Variants in PLAAT5 observed in about 807,000 individuals in gnomAD.
PLAAT5 encodes the protein phospholipase A and acyltransferase 5.
In PLAAT5, 27 loss-of-function variants were observed where a neutral mutation model predicts 27.8. The ratio of observed to expected loss-of-function variants is 0.97; its 90% confidence interval spans 0.72 to 1.34. The LOEUF (loss-of-function observed/expected upper bound fraction) is 1.34, where lower values mean the gene tolerates loss of function less well. PLAAT5 is among the 40% of genes most tolerant of loss of function. PLAAT5 has a pLI of 0.00. For missense variants in PLAAT5, 368 were observed against 343.8 expected, an observed-to-expected ratio of 1.07 and a Z score of -0.56; for synonymous variants, 125 against 136.1, an observed-to-expected ratio of 0.92 and a Z score of 0.57.
In PLAAT5 at chr11:63,466,391, C is replaced by G. The variant is rs147968191; in HGVS notation, c.455-19G>C. On this transcript the variant is annotated intron_variant, in intron 4 of 5. Transcript: ENST00000540857. ...TCCTCACCTGGAGACCAAAGACAAA[C>G]AAAGGTTGGGAAATACAAGGAGTAG... is the stretch of plus-strand genomic sequence containing the variant. The G allele has an allele frequency of 2.5e-6, 4 of 1,612,284 alleles. No individual in the cohort carries two copies. In the African/African-American group the frequency reaches 5.3e-5, roughly 22 times the overall value.
Position 63,488,883 on chromosome 11 carries a change from C to T in PLAAT5, c.333G>A (p.Lys111=). The T allele has an allele frequency of 6.2e-7, 1 of 1,611,968 alleles. No homozygotes were observed. Among genetic ancestry groups the T allele is most frequent in the Non-Finnish European group, 8.5e-7 (1 of 1,178,308 alleles). ...PKPENEGKLI[K]QAAEGKPRPR... ...TTGTTACACCTACCTCAGCTGCTTG[C>T]TTTATTAACTTGCCTTCATTCTCAG... The change falls in exon 3 of 6, where the codon AAG becomes AAA. Residue 111 remains lysine (K), a synonymous_variant. Coordinates refer to ENST00000540857, the MANE Select transcript of PLAAT5 (RefSeq NM_001146729.2).
intron 4 of PLAAT5, among the ~76,000 whole-genome samples, chr11:63,467,895 G>T (rs966068767): frequency 6.6e-6 from 1 of 152,240 alleles, no homozygotes; most frequent in Non-Finnish European, 1.5e-5. Context: ...CAAGGAGCAT[G>T]TTGGAACAGC....
intron 3 of PLAAT5, chr11:63,470,466 CATAAG>C (rs964092464): frequency 2.6e-5 from 4 of 156,442 alleles, no homozygotes; most frequent in African/African-American, 9.7e-5. Context: ...GGTCCGTAAA[CATAAG>C]ATAATTCATA....
At chr11:63,467,100 C>T (rs554007268) in intron 4 of PLAAT5, among the ~76,000 whole-genome samples, 7 of 152,154 alleles carry the variant, frequency 4.6e-5, no homozygotes, top group Admixed American at 6.5e-5. Flanking sequence ...TGTTGATATG[C>T]GAATGTGTAT....
Position 63,490,803 on chromosome 11 carries a change from A to C in PLAAT5, c.148+84T>G, listed in dbSNP as rs977282877. On this transcript the variant is annotated intron_variant, in intron 1 of 5. Transcript: ENST00000540857. ...GACAACACAATCGCCAAATGTCTTA[A>C]GAAAAGGAGCTTTGAGGGTAACCGC... 6 of 1,255,916 alleles carry C rather than the reference A, an allele frequency of 4.8e-6. No individual in the cohort carries two copies. The African/African-American group carries it at 9.2e-5, about 19-fold the overall frequency. 77.8% of individuals were successfully genotyped at this position (1,255,916 alleles called of 1,614,324 possible).
At chr11:63,479,989 A>C (rs2016245481) in intron 3 of PLAAT5, among the ~76,000 whole-genome samples, 1 of 152,092 alleles carries the variant, frequency 6.6e-6, no homozygotes, top group East Asian at 1.9e-4. Flanking sequence ...CTGACCACAG[A>C]CCCCAATACC....
In PLAAT5 at chr11:63,490,969, G is replaced by C; in HGVS notation, c.66C>G (p.Leu22=). The C allele has an allele frequency of 6.3e-7, 1 of 1,585,922 alleles. No homozygotes were observed. The highest frequency in any genetic ancestry group is 1.4e-5 in the African/African-American group (1 of 73,882). ...ALRLPRIPPP[L]PKPASRTAST... is the part of the protein sequence containing the mutation. ...TGGCGGTTCGCGAGGCGGGTTTGGG[G>C]AGGGGTGGGGGAATCCTAGGGAGGC... The change falls in exon 1 of 6, where the codon CTC becomes CTG. Residue 22 remains leucine (L), a synonymous_variant. Transcript: ENST00000540857.
intron 3 of PLAAT5, 94 bp from the exon 4 acceptor site, chr11:63,468,559 T>C: frequency 1.2e-6 from 1 of 854,806 alleles, no homozygotes. Context: ...AAAGATCCCC[T>C]CAGTGTGGTT....
chr11:63,472,473 G>A (rs555456836), intron 3 of PLAAT5, among the ~76,000 whole-genome samples: 6 of 152,202 alleles, frequency 3.9e-5, no homozygotes, highest in Non-Finnish European at 5.9e-5. Context: ...TAAATTTTAG[G>A]ATCACTTCAT....
At position 63,490,886 on chromosome 11, in the gene PLAAT5, C is replaced by T; in HGVS notation, c.148+1G>A. 5 of 1,603,030 alleles carry T rather than the reference C, an allele frequency of 3.1e-6. No homozygotes were observed. Among genetic ancestry groups the T allele is most frequent in the Non-Finnish European group, 4.3e-6 (5 of 1,175,280 alleles). On this transcript the variant is annotated splice_donor_variant, in intron 1 of 5. Transcript: ENST00000540857. LOFTEE classifies it high-confidence loss of function. ...CCTTCAGCCGCATTCTTGGGGCTGA[C>T]CTGAGTGGGGCACAGCTGAACGTCT...
At chr11:63,480,641 C>T (rs1439149127) in intron 3 of PLAAT5, among the ~76,000 whole-genome samples, 1 of 152,116 alleles carries the variant, frequency 6.6e-6, no homozygotes, top group Non-Finnish European at 1.5e-5. Context: ...TCAGATTGGT[C>T]TGGAGTATAG....
intron 3 of PLAAT5, among the ~76,000 whole-genome samples, chr11:63,484,767 C>A (rs75894667): frequency 6.6e-6 from 1 of 152,186 alleles, no homozygotes; most frequent in South Asian, 2.1e-4. Flanking sequence ...CACATTTATT[C>A]GACATAGTGC....
At chr11:63,484,428 C>G (rs2016386551) in intron 3 of PLAAT5, among the ~76,000 whole-genome samples, 1 of 151,816 alleles carries the variant, frequency 6.6e-6, no homozygotes, top group African/African-American at 2.4e-5. Context: ...AACAGCATAT[C>G]AAAAAGATAA....
intron 3 of PLAAT5, among the ~76,000 whole-genome samples, chr11:63,483,795 A>ATATATG (rs1217158099): frequency 1.7e-5 from 1 of 58,534 alleles, no homozygotes; most frequent in Non-Finnish European, 2.6e-5. Context: ...ATATATATAT[A>ATATATG]TATATGTATA....
intron 4 of PLAAT5, 35 bp from the exon 5 acceptor site, chr11:63,466,407 C>T (rs1590604742): frequency 4.4e-6 from 7 of 1,603,272 alleles, no homozygotes; most frequent in Middle Eastern, 1.7e-4. Flanking sequence ...TTGGGAAATA[C>T]AAGGAGTAGC....
At chr11:63,484,986 T>C (rs1440751858) in intron 3 of PLAAT5, among the ~76,000 whole-genome samples, 1 of 151,834 alleles carries the variant, frequency 6.6e-6, no homozygotes, top group African/African-American at 2.4e-5. Context: ...AGCCCTGCTG[T>C]ACACCAACAA....
At chr11:63,483,491 A>T (rs1178028484) in intron 3 of PLAAT5, among the ~76,000 whole-genome samples, 2 of 151,798 alleles carry the variant, frequency 1.3e-5, no homozygotes, top group Non-Finnish European at 2.9e-5. Context: ...AAATTAAGTC[A>T]TCTACTCCTC....
At chr11:63,469,442 G>T in intron 3 of PLAAT5, 1 of 245,168 alleles carries the variant, frequency 4.1e-6, no homozygotes, top group South Asian at 7.3e-5. Flanking sequence ...CTGGAATATG[G>T]AGAGACACAA....
At chr11:63,465,044 G>A (rs61929693) in intron 5 of PLAAT5, among the ~76,000 whole-genome samples, 4,379 of 152,278 alleles carry the variant, frequency 0.029, 81 homozygotes, top group Middle Eastern at 0.051. Flanking sequence ...TTGGGAGGCC[G>A]AGGCGGGTGG....
Sources: gnomAD v4.1 joint callset for allele counts (sites outside exome capture counted in the v4.1 genomes callset) on GRCh38, gnomAD v4.1.1 for gene constraint, MANE v1.5 for transcripts, NCBI Gene and HGNC (gene_info 2026-07-23, HGNC 2026-07-21) for gene names.